ODAD1: variants seen among roughly 807,000 people sequenced by gnomAD.
ODAD1 encodes outer dynein arm docking complex subunit 1, also known as outer dynein arm-docking complex subunit 1.
In ODAD1, 49 loss-of-function variants were observed where a neutral mutation model predicts 67.2. The observed-to-expected ratio is 0.73, with a 90% CI of 0.58 to 0.92. The LOEUF (loss-of-function observed/expected upper bound fraction) is 0.92. Among genes scored for constraint, ODAD1 ranks in the 40% least tolerant of loss-of-function variants. ODAD1 has a pLI of 0.00. For missense variants in ODAD1, 897 were observed against 953.7 expected (o/e 0.94, Z 0.78); for synonymous variants, 345 against 393.7 (o/e 0.88, Z 1.46).
chr19:48,309,487 G>A (rs1209766480), intron 7 of ODAD1, among the ~76,000 whole-genome samples: 6 of 152,118 alleles, frequency 3.9e-5, no homozygotes, highest in Non-Finnish European at 2.9e-5. Flanking sequence ...AACACTGGAC[G>A]AGACGACCTG....
At chr19:48,310,118 C>T (rs1968717044) in intron 7 of ODAD1, among the ~76,000 whole-genome samples, 1 of 152,090 alleles carries the variant, frequency 6.6e-6, no homozygotes, top group Non-Finnish European at 1.5e-5. Context: ...CCTGTAATCC[C>T]AGCTACTCAG....
In ODAD1 at chr19:48,302,641, G is replaced by T. The variant is rs922982073; in HGVS notation, c.1240+53C>A. On this transcript the variant is annotated intron_variant, in intron 12 of 15. Transcript: ENST00000674294. ...CCTCCAAGCCCCGCGGGCTGATGGT[G>T]TCCTTCCAAGTGGAGAAGCCAGGCT... 4.0e-6 allele frequency: 6 copies of T among 1,504,528 alleles called. No individual in the cohort carries two copies. The African/African-American group carries it at 6.8e-5, about 17-fold the overall frequency. The allele number at this position is 1,504,528 out of a possible 1,614,324, so 93.2% of individuals were successfully genotyped here.
chr19:48,297,115 G>A lies in ODAD1; in HGVS notation c.1985C>T (p.Thr662Ile). Reference protein sequence around the residue: ...YVGSSRGGENTEGGVESGGTA... With the variant: ...YVGSSRGGENIEGGVESGGTA... ...GCCTCCGCTCTCCACACCACCCTCT[G>A]TGTTTTCTCCGCCCCTGCTGGACCC... The change falls in exon 16 of 16, where the codon ACA becomes ATA. Residue 662 changes from threonine to isoleucine, a missense_variant. By Grantham distance (89) the Thr-to-Ile change is moderately conservative (BLOSUM62 -1). Coordinates refer to ENST00000674294, the MANE Select transcript of ODAD1 (RefSeq NM_001364171.2). 1 of 1,613,646 alleles carries A rather than the reference G, an allele frequency of 6.2e-7. No individual in the cohort carries two copies.
chr19:48,312,524 C>T (rs1968792760), intron 5 of ODAD1, among the ~76,000 whole-genome samples: 1 of 143,516 alleles, frequency 7.0e-6, no homozygotes, highest in African/African-American at 2.6e-5. Flanking sequence ...TCGAGCAATT[C>T]TAGTGCCTCA....
chr19:48,300,156 A>G (rs952574340), intron 12 of ODAD1, among the ~76,000 whole-genome samples: 1 of 152,086 alleles, frequency 6.6e-6, no homozygotes, highest in South Asian at 2.1e-4. Flanking sequence ...AAATACCAAA[A>G]TTAGTTGGGC....
Position 48,318,771 on chromosome 19 carries a change from T to G in ODAD1, c.112A>C (p.Met38Leu). 6.4e-7 allele frequency: 1 copy of G among 1,551,304 alleles called. No individual in the cohort carries two copies. Among genetic ancestry groups the G allele is most frequent in the Non-Finnish European group, 8.7e-7 (1 of 1,146,830 alleles). ...LSRLQRQCKV[M>L]EGERRAYSKE... Reference sequence around the variant, plus strand: ...CTGTAGGCCCGCCTCTCCCCTTCCATCACTTTGCATTGTCGCTGCAGCCTA... The same window carrying G: ...CTGTAGGCCCGCCTCTCCCCTTCCAGCACTTTGCATTGTCGCTGCAGCCTA... The change falls in exon 4 of 16, where the codon ATG (methionine) becomes CTG (leucine). Residue 38 changes from methionine (M) to leucine (L), a missense_variant. Physicochemically the swap from Met to Leu is conservative, Grantham distance 15. Coordinates refer to ENST00000674294, the MANE Select transcript of ODAD1 (RefSeq NM_001364171.2).
chr19:48,311,973 G>A, intron 6 of ODAD1, 21 bp downstream of exon 6: 8 of 1,549,228 alleles, frequency 5.2e-6, no homozygotes, highest in Non-Finnish European at 7.0e-6. Context: ...CAGGTCGAGG[G>A]ACCAGGAGTT....
At chr19:48,315,940 T>C (rs1263879253) in intron 5 of ODAD1, among the ~76,000 whole-genome samples, 1 of 152,228 alleles carries the variant, frequency 6.6e-6, no homozygotes, top group African/African-American at 2.4e-5. Flanking sequence ...TTGTTTCAGT[T>C]TTCGATTTTA....
At chr19:48,301,403 G>A (rs1468608082) in intron 12 of ODAD1, among the ~76,000 whole-genome samples, 1 of 151,920 alleles carries the variant, frequency 6.6e-6, no homozygotes, top group Non-Finnish European at 1.5e-5. Context: ...ACAGTTGGAG[G>A]GACAGCATCT....
intron 3 of ODAD1, chr19:48,319,596 C>T (rs1968987857): frequency 1.1e-5 from 2 of 185,774 alleles, no homozygotes; most frequent in Admixed American, 6.5e-5. Context: ...GGCACAATCT[C>T]AGCTCACTGC....
intron 5 of ODAD1, 150 bp from the exon 6 acceptor site, chr19:48,312,266 C>A: frequency 1.6e-6 from 1 of 639,422 alleles, no homozygotes; most frequent in Non-Finnish European, 2.7e-6. Context: ...ACTATCCAGC[C>A]CTCCATGTGG....
At chr19:48,319,582 C>T (rs958532151) in intron 3 of ODAD1, 3 of 237,832 alleles carry the variant, frequency 1.3e-5, no homozygotes, top group Non-Finnish European at 2.0e-5. Flanking sequence ...GGCTCTAGCG[C>T]AGTGGCACAA....
intron 5 of ODAD1, among the ~76,000 whole-genome samples, chr19:48,314,714 G>A (rs1409972764): frequency 6.6e-6 from 1 of 152,158 alleles, no homozygotes; most frequent in Non-Finnish European, 1.5e-5. Context: ...GCCGAGGCGA[G>A]TGGATCACCT....
intron 2 of ODAD1, 141 bp from the exon 3 acceptor site, chr19:48,320,532 G>A: frequency 3.3e-6 from 1 of 303,876 alleles, no homozygotes; most frequent in Admixed American, 4.7e-5. Context: ...AAGAGGGGTT[G>A]GAGGGGGACC....
chr19:48,299,303 G>A (rs995752468), intron 12 of ODAD1, among the ~76,000 whole-genome samples: 2 of 152,078 alleles, frequency 1.3e-5, no homozygotes, highest in Non-Finnish European at 2.9e-5. Context: ...CCCAGTTACT[G>A]GAGAGGCTGA....
chr19:48,308,635 C>T (rs1316518043), intron 7 of ODAD1, among the ~76,000 whole-genome samples: 2 of 152,258 alleles, frequency 1.3e-5, no homozygotes, highest in Non-Finnish European at 2.9e-5. Context: ...TGTGGCTGCA[C>T]ACTCCATGGA....
intron 7 of ODAD1, among the ~76,000 whole-genome samples, chr19:48,308,425 C>T (rs1968674002): frequency 6.6e-6 from 1 of 152,214 alleles, no homozygotes; most frequent in African/African-American, 2.4e-5. Context: ...ATCCGCCTGC[C>T]TCAGCCTCCC....
At chr19:48,299,619 C>T (rs1486293722) in intron 12 of ODAD1, among the ~76,000 whole-genome samples, 2 of 151,464 alleles carry the variant, frequency 1.3e-5, no homozygotes, top group African/African-American at 4.9e-5. Flanking sequence ...GCCTGACCAA[C>T]ATGGCAAAAC....
chr19:48,306,353 C>T lies in ODAD1; in HGVS notation c.598-30G>A, dbSNP rs943886051. On this transcript the variant is annotated intron_variant, in intron 7 of 15. Coordinates refer to ENST00000674294, the MANE Select transcript of ODAD1 (RefSeq NM_001364171.2). ...GGGGGGAGGAGAAAAAAATCAGTGC[C>T]ACTTCTTACAACCCCATTGCTCGAA... 4.6e-6 allele frequency: 7 copies of T among 1,530,014 alleles called. No homozygotes were observed. In the African/African-American group the frequency reaches 8.3e-5, roughly 18 times the overall value. 94.8% of individuals were successfully genotyped at this position (1,530,014 alleles called of 1,614,324 possible).
Sources: gnomAD v4.1 joint callset for allele counts (sites outside exome capture counted in the v4.1 genomes callset) on GRCh38, gnomAD v4.1.1 for gene constraint, MANE v1.5 for transcripts, NCBI Gene and HGNC (gene_info 2026-07-23, HGNC 2026-07-21) for gene names.